IL1RAPL2: variants seen among roughly 807,000 people sequenced by gnomAD.
IL1RAPL2 encodes the protein interleukin 1 receptor accessory protein like 2.
A neutral mutation model predicts 44.1 loss-of-function variants in IL1RAPL2; 3 were observed. The ratio of observed to expected loss-of-function variants is 0.07; its 90% CI spans 0.03 to 0.18. The LOEUF (loss-of-function observed/expected upper bound fraction) is 0.18. Among genes scored for constraint, IL1RAPL2 ranks in the 10% least tolerant of loss-of-function variants. The probability of loss-of-function intolerance (pLI) is 1.00; values close to 1 mark genes in which losing one functional copy is unlikely to be tolerated. For synonymous variants in IL1RAPL2, 181 were observed against 178.8 expected (o/e 1.01, Z -0.10); for missense variants, 391 against 496.4 (o/e 0.79, Z 2.02).
At chrX:104,797,193 C>G (rs1241964874) in intron 2 of IL1RAPL2, among the ~76,000 whole-genome samples, 8 of 34,420 alleles carry the variant, frequency 2.3e-4, no homozygotes, top group African/African-American at 6.0e-4. Context: ...CAGCCCCCCC[C>G]CCCCCCCCGC....
chrX:105,590,185 T>C (rs1003048305), intron 6 of IL1RAPL2, among the ~76,000 whole-genome samples: 2 of 111,979 alleles, frequency 1.8e-5, no homozygotes, highest in African/African-American at 6.5e-5. Context: ...TGGATGTTTT[T>C]GGTTTACAGA....
At chrX:105,201,408 A>C (rs1356798629) in intron 3 of IL1RAPL2, among the ~76,000 whole-genome samples, 2 of 111,523 alleles carry the variant, frequency 1.8e-5, no homozygotes, top group Non-Finnish European at 3.8e-5. Flanking sequence ...TGTTTGAAAT[A>C]GTCCATAACA....
chrX:105,682,874 G>A (rs753138373), intron 6 of IL1RAPL2, among the ~76,000 whole-genome samples: 5 of 112,135 alleles, frequency 4.5e-5, no homozygotes, highest in African/African-American at 1.6e-4. Context: ...TTTTTTATAT[G>A]CAGGATTAGA....
intron 5 of IL1RAPL2, among the ~76,000 whole-genome samples, chrX:105,478,699 A>C (rs2036213827): frequency 9.0e-6 from 1 of 111,707 alleles, no homozygotes; most frequent in Non-Finnish European, 1.9e-5. Flanking sequence ...GCCATCCTTG[A>C]GATATACTTC....
intron 1 of IL1RAPL2, among the ~76,000 whole-genome samples, chrX:104,654,703 C>A (rs920438668): frequency 9.0e-6 from 1 of 110,881 alleles, no homozygotes; most frequent in African/African-American, 3.3e-5. Flanking sequence ...TTTCCAATTC[C>A]GTGAAGAAAG....
At chrX:105,371,808 T>C (rs757919228) in intron 5 of IL1RAPL2, among the ~76,000 whole-genome samples, 161 of 112,135 alleles carry the variant, frequency 1.4e-3, no homozygotes, top group African/African-American at 4.9e-3. Flanking sequence ...AAATATGCCA[T>C]TATAATTTTT....
At chrX:105,051,043 C>T (rs2147527199) in intron 2 of IL1RAPL2, among the ~76,000 whole-genome samples, 1 of 112,599 alleles carries the variant, frequency 8.9e-6, no homozygotes, top group East Asian at 2.8e-4. Flanking sequence ...GGGCCCAGAG[C>T]AGGCACACTA....
intron 2 of IL1RAPL2, among the ~76,000 whole-genome samples, chrX:105,134,759 A>C (rs1383166372): frequency 1.8e-5 from 2 of 111,668 alleles, no homozygotes; most frequent in Non-Finnish European, 3.8e-5. Flanking sequence ...AGCTAGTACT[A>C]GTCCTGGCCA....
intron 5 of IL1RAPL2, among the ~76,000 whole-genome samples, chrX:105,347,304 T>C (rs1484056869): frequency 1.8e-5 from 2 of 111,420 alleles, no homozygotes; most frequent in African/African-American, 6.5e-5. Flanking sequence ...TGATGCCTGA[T>C]TGGATCACTT....
intron 2 of IL1RAPL2, among the ~76,000 whole-genome samples, chrX:104,906,289 C>G (rs1924001195): frequency 9.1e-6 from 1 of 110,251 alleles, no homozygotes; most frequent in African/African-American, 3.3e-5. Context: ...AATTGAATAC[C>G]CTTTATTTCC....
intron 2 of IL1RAPL2, among the ~76,000 whole-genome samples, chrX:104,695,226 C>T (rs1931157887): frequency 8.9e-6 from 1 of 112,001 alleles, no homozygotes; most frequent in Admixed American, 9.5e-5. Flanking sequence ...TCTTTCTGGA[C>T]TTCTGAGGGA....
chrX:105,311,467 G>A (rs2034796140), intron 5 of IL1RAPL2, among the ~76,000 whole-genome samples: 1 of 107,751 alleles, frequency 9.3e-6, no homozygotes, highest in Non-Finnish European at 1.9e-5. Context: ...TTCATTTTAG[G>A]GGTGTTATTA....
intron 7 of IL1RAPL2, among the ~76,000 whole-genome samples, chrX:105,736,682 A>G (rs1327072333): frequency 2.7e-5 from 3 of 111,726 alleles, no homozygotes; most frequent in Non-Finnish European, 5.7e-5. Flanking sequence ...ACCATCTCAC[A>G]CCATTCAGAA....
At position 105,233,830 on chromosome X, in the gene IL1RAPL2, T is replaced by C; in HGVS notation, c.369T>C (p.Tyr123=). Residue 123 remains tyrosine, a synonymous_variant, in exon 4 of 11, where the codon TAT becomes TAC. Coordinates refer to ENST00000372582, the MANE Select transcript of IL1RAPL2 (RefSeq NM_017416.2). ...TCTGTTCCTACAGAAACTCAACATATTGCATGAAGGTGTCAATGTCCTTGA... is the reference window on the plus strand; with the variant it reads ...TCTGTTCCTACAGAAACTCAACATACTGCATGAAGGTGTCAATGTCCTTGA... ...FYTCVLRNST[Y]CMKVSMSLTV... The C allele has an allele frequency of 8.3e-7, 1 of 1,201,234 alleles. No homozygotes were observed. The highest frequency in any genetic ancestry group is 1.1e-6 in the Non-Finnish European group (1 of 889,909).
intron 2 of IL1RAPL2, among the ~76,000 whole-genome samples, chrX:104,667,359 C>T (rs1360598269): frequency 2.7e-5 from 3 of 111,484 alleles, no homozygotes; most frequent in Non-Finnish European, 3.8e-5. Flanking sequence ...CTCAGTGATT[C>T]AGAAATTGAC....
At chrX:104,783,211 G>A (rs184862639) in intron 2 of IL1RAPL2, among the ~76,000 whole-genome samples, 26 of 111,990 alleles carry the variant, frequency 2.3e-4, no homozygotes, top group Non-Finnish European at 4.1e-4. Flanking sequence ...GGTACTTTAT[G>A]TAATCTGATA....
chrX:105,329,484 T>C (rs776323921), intron 5 of IL1RAPL2, among the ~76,000 whole-genome samples: 4 of 112,152 alleles, frequency 3.6e-5, no homozygotes, highest in African/African-American at 1.3e-4. Flanking sequence ...GAATTTATCA[T>C]ATATTGGGTA....
intron 5 of IL1RAPL2, among the ~76,000 whole-genome samples, chrX:105,388,572 A>G (rs1291202771): frequency 9.1e-6 from 1 of 110,272 alleles, no homozygotes; most frequent in Non-Finnish European, 1.9e-5. Flanking sequence ...GAAAAGAAAA[A>G]GGAGAGACAG....
In IL1RAPL2 at chrX:105,275,853, C is replaced by T. The variant is rs183029111; in HGVS notation, c.697+8312C>T. 3.5e-3 allele frequency among the ~76,000 whole-genome samples: 387 copies of T among 111,180 alleles called. 3 individuals are homozygous for T. The highest frequency in any genetic ancestry group is 5.8e-3 in the Non-Finnish European group (306 of 53,088). ...TCTTATAAGTCCTAGTTACACTTTT[C>T]CTACTCTGCCCCACTGTTACTCTGT... On this transcript the variant is annotated intron_variant, in intron 5 of 10. Coordinates refer to ENST00000372582, the MANE Select transcript of IL1RAPL2 (RefSeq NM_017416.2).
Sources: allele counts gnomAD v4.1 joint callset (sites outside exome capture counted in the v4.1 genomes callset), GRCh38; gene constraint gnomAD v4.1.1; transcripts MANE v1.5; gene names NCBI Gene and HGNC (gene_info 2026-07-23, HGNC 2026-07-21).